Variants in LAPTM4A observed in about 807,000 individuals in gnomAD.
LAPTM4A encodes the protein lysosomal protein transmembrane 4 alpha, also known as lysosomal-associated transmembrane protein 4A.
In LAPTM4A, 19 loss-of-function variants were observed where a neutral mutation model predicts 29.9. That is an observed-to-expected ratio of 0.64 (90% CI 0.44 to 0.93). The LOEUF is 0.93. LAPTM4A is among the 40% of genes least tolerant of loss of function. LAPTM4A has a pLI of 0.00. For missense variants in LAPTM4A, 293 were observed against 288.5 expected (o/e 1.02, Z -0.11); for synonymous variants, 105 against 102.1 (o/e 1.03, Z -0.17).
intron 5 of LAPTM4A, among the ~76,000 whole-genome samples, 170 bp from the exon 6 acceptor site, chr2:20,034,585 G>A (rs1036986983): frequency 6.6e-6 from 1 of 152,178 alleles, no homozygotes. Context: ...TCTCATTTAA[G>A]TGTCATGAGT....
chr2:20,043,339 C>T (rs933484016), intron 1 of LAPTM4A, among the ~76,000 whole-genome samples: 5 of 151,872 alleles, frequency 3.3e-5, no homozygotes, highest in African/African-American at 1.2e-4. Flanking sequence ...CTCAGCCTCC[C>T]GAGTAGCTGG....
At position 20,045,336 on chromosome 2, in the gene LAPTM4A, T is replaced by C. The variant is rs377455579; in HGVS notation, c.112-4325A>G. On this transcript the variant is annotated intron_variant, in intron 1 of 6. Coordinates refer to ENST00000175091, the MANE Select transcript of LAPTM4A (RefSeq NM_014713.5). Reference sequence around the variant, plus strand: ...AATGATTAAGCTGGGGACAGTGGTGTGTGCCTGTAGTCCCAGCTGGTCAGG... The same window carrying C: ...AATGATTAAGCTGGGGACAGTGGTGCGTGCCTGTAGTCCCAGCTGGTCAGG... Among the ~76,000 whole-genome samples, 10 of 152,250 alleles carry C rather than the reference T, an allele frequency of 6.6e-5. No individual in the cohort carries two copies. In the South Asian group the frequency reaches 1.9e-3, roughly 28 times the overall value.
At chr2:20,049,602 CA>C (rs369843394) in intron 1 of LAPTM4A, among the ~76,000 whole-genome samples, 13 of 152,136 alleles carry the variant, frequency 8.5e-5, no homozygotes, top group African/African-American at 3.1e-4. Flanking sequence ...CCCACAGCAT[CA>C]AAAAATCTGC....
intron 1 of LAPTM4A, 152 bp from the exon 2 acceptor site, chr2:20,041,163 C>T (rs939814729): frequency 2.6e-5 from 15 of 566,584 alleles, no homozygotes; most frequent in East Asian, 8.9e-5. Flanking sequence ...TAAAACAATA[C>T]GCAATTACCA....
intron 1 of LAPTM4A, among the ~76,000 whole-genome samples, chr2:20,047,147 T>C (rs1673942566): frequency 6.6e-6 from 1 of 151,462 alleles, no homozygotes; most frequent in Admixed American, 6.6e-5. Flanking sequence ...CCCAGCACTT[T>C]GGGAGGCCAA....
intron 1 of LAPTM4A, among the ~76,000 whole-genome samples, chr2:20,042,931 A>G (rs1381159979): frequency 6.6e-6 from 1 of 152,194 alleles, no homozygotes; most frequent in African/African-American, 2.4e-5. Flanking sequence ...AGTTCCTATC[A>G]GTAGTATTTT....
intron 1 of LAPTM4A, among the ~76,000 whole-genome samples, chr2:20,051,040 G>A (rs1674054025): frequency 6.6e-6 from 1 of 152,168 alleles, no homozygotes; most frequent in African/African-American, 2.4e-5. Context: ...ATAGGAGGAA[G>A]GGAGATGCTG....
chr2:20,045,642 T>A (rs935550914), intron 1 of LAPTM4A, among the ~76,000 whole-genome samples: 1 of 152,202 alleles, frequency 6.6e-6, no homozygotes, highest in Non-Finnish European at 1.5e-5. Flanking sequence ...AGCTTCTACA[T>A]CTTATGTAAG....
intron 1 of LAPTM4A, among the ~76,000 whole-genome samples, chr2:20,042,943 ATTTAT>A (rs1327649910): frequency 6.6e-6 from 1 of 152,180 alleles, no homozygotes; most frequent in African/African-American, 2.4e-5. Context: ...TAGTATTTTA[ATTTAT>A]TTAGTTTTTG....
rs898606249 is a variant in LAPTM4A at position 20,051,346 on chromosome 2, C to T, written c.111+64G>A. ...CCAACACCCCGTTTCCAGTCTCACC[C>T]CCTCCGCACCAGGCCCCGCTCCCCA... On this transcript the variant is annotated intron_variant, in intron 1 of 6. Coordinates refer to ENST00000175091, the MANE Select transcript of LAPTM4A (RefSeq NM_014713.5). 7 of 1,021,204 alleles carry T rather than the reference C, an allele frequency of 6.9e-6. No individual in the cohort carries two copies. The African/African-American group carries it at 7.9e-5, about 12-fold the overall frequency. The allele number at this position is 1,021,204 out of a possible 1,614,324, so 63.3% of individuals were successfully genotyped here.
In LAPTM4A at chr2:20,037,573, T is replaced by A. The variant is rs1178398576; in HGVS notation, c.274A>T (p.Ile92Leu). ...VLFAVSVLMF[I>L]ISSMLVYGAI... ...CCATAAACCAGCATTGAACTGATTA[T>A]AAACATAAGAACAGAGACGGCAAAA... Residue 92 changes from isoleucine (I) to leucine (L), a missense_variant, in exon 3 of 7, where the codon ATA becomes TTA. By Grantham distance (5) the Ile-to-Leu change is conservative (BLOSUM62 2). Coordinates refer to ENST00000175091, the MANE Select transcript of LAPTM4A (RefSeq NM_014713.5). The A allele has an allele frequency of 5.6e-6, 9 of 1,610,250 alleles. No homozygotes were observed. The East Asian group carries it at 1.8e-4, about 32-fold the overall frequency.
At chr2:20,036,717 G>C (rs530922434) in intron 4 of LAPTM4A, among the ~76,000 whole-genome samples, 1 of 151,968 alleles carries the variant, frequency 6.6e-6, no homozygotes, top group South Asian at 2.1e-4. Flanking sequence ...CCACCTCCAC[G>C]ACGCCCTCCT....
At chr2:20,035,769 G>A (rs1673665103) in intron 4 of LAPTM4A, among the ~76,000 whole-genome samples, 1 of 152,096 alleles carries the variant, frequency 6.6e-6, no homozygotes, top group African/African-American at 2.4e-5. Flanking sequence ...AAACAGAGGA[G>A]AGAAAACACC....
chr2:20,041,645 C>T (rs934056950), intron 1 of LAPTM4A, among the ~76,000 whole-genome samples: 4 of 152,294 alleles, frequency 2.6e-5, no homozygotes, highest in Non-Finnish European at 4.4e-5. Flanking sequence ...ATGTGATCCT[C>T]CCACCTCAGC....
chr2:20,049,946 G>T (rs912481897), intron 1 of LAPTM4A, among the ~76,000 whole-genome samples: 12 of 152,134 alleles, frequency 7.9e-5, no homozygotes, highest in African/African-American at 2.7e-4. Context: ...GCAAAATGGA[G>T]AAGCTATAAA....
intron 1 of LAPTM4A, among the ~76,000 whole-genome samples, chr2:20,041,972 A>C (rs1171687430): frequency 6.6e-6 from 1 of 152,214 alleles, no homozygotes; most frequent in Non-Finnish European, 1.5e-5. Context: ...CATGTTTCCT[A>C]GCTACCTATT....
At chr2:20,041,400 C>A (rs1673797092) in intron 1 of LAPTM4A, among the ~76,000 whole-genome samples, 1 of 152,128 alleles carries the variant, frequency 6.6e-6, no homozygotes, top group Non-Finnish European at 1.5e-5. Context: ...GCCCGAAACC[C>A]CTCCACAGCA....
At chr2:20,043,956 T>C (rs1298878139) in intron 1 of LAPTM4A, among the ~76,000 whole-genome samples, 3 of 152,234 alleles carry the variant, frequency 2.0e-5, no homozygotes, top group Non-Finnish European at 4.4e-5. Flanking sequence ...CATTCCCCAG[T>C]AACTCCTATT....
At chr2:20,047,676 G>A (rs1191294613) in intron 1 of LAPTM4A, among the ~76,000 whole-genome samples, 3 of 108,198 alleles carry the variant, frequency 2.8e-5, no homozygotes, top group East Asian at 7.3e-4. Flanking sequence ...CGGCCTGGGC[G>A]ACAGAGCGAG....
Sources: gnomAD v4.1 joint callset for allele counts (sites outside exome capture counted in the v4.1 genomes callset) on GRCh38, gnomAD v4.1.1 for gene constraint, MANE v1.5 for transcripts, NCBI Gene and HGNC (gene_info 2026-07-23, HGNC 2026-07-21) for gene names.